Variants in DYNLT2B observed in about 807,000 individuals in gnomAD.
The protein encoded by DYNLT2B is dynein light chain Tctex-type protein 2B.
DYNLT2B carries 14 observed loss-of-function variants against 19.5 expected under a neutral mutation model. The ratio of observed to expected loss-of-function variants is 0.72; its 90% confidence interval spans 0.47 to 1.12. DYNLT2B has a LOEUF of 1.12. Among genes scored for constraint, DYNLT2B ranks in the 50% most tolerant of loss-of-function variants. DYNLT2B has a pLI of 0.00. For missense variants in DYNLT2B, 133 were observed against 174.7 expected, an observed-to-expected ratio of 0.76 and a Z score of 1.35; for synonymous variants, 70 against 59.7, an observed-to-expected ratio of 1.17 and a Z score of -0.79.
At chr3:196,315,592 G>C (rs1176510731) in intron 2 of DYNLT2B, among the ~76,000 whole-genome samples, 1 of 151,712 alleles carries the variant, frequency 6.6e-6, no homozygotes, top group African/African-American at 2.4e-5. Flanking sequence ...CATGAGGTCG[G>C]CTGGGCGCGG....
chr3:196,302,471 G>A (rs1269257964), intron 3 of DYNLT2B, among the ~76,000 whole-genome samples: 5 of 152,192 alleles, frequency 3.3e-5, no homozygotes, highest in African/African-American at 1.2e-4. Context: ...TCCACTGAAA[G>A]CTCTCAATGG....
chr3:196,317,381 T>TGTGTGTGTGTGTGTG (rs1553843048), intron 1 of DYNLT2B, among the ~76,000 whole-genome samples: 1 of 35,042 alleles, frequency 2.9e-5, no homozygotes, highest in African/African-American at 1.1e-4. Context: ...TGTGTGTGTG[T>TGTGTGTGTGTGTGTG]GTGTGTGTGT....
intron 2 of DYNLT2B, among the ~76,000 whole-genome samples, chr3:196,314,027 G>A (rs1726707307): frequency 6.6e-6 from 1 of 152,044 alleles, no homozygotes; most frequent in Non-Finnish European, 1.5e-5. Flanking sequence ...GAACCCAGGA[G>A]GCGGAGATTG....
At chr3:196,316,910 G>T (rs1726824249) in intron 1 of DYNLT2B, among the ~76,000 whole-genome samples, 1 of 42,304 alleles carries the variant, frequency 2.4e-5, no homozygotes, top group Non-Finnish European at 5.3e-5. Context: ...TGTGTGTGTT[G>T]TGTGGTGTGT....
chr3:196,310,671 A>C lies in DYNLT2B; in HGVS notation c.248-3659T>G, dbSNP rs1726615320. Among the ~76,000 whole-genome samples, 4 of 150,792 alleles carry C rather than the reference A, an allele frequency of 2.7e-5. No homozygotes were observed. The South Asian group carries it at 8.4e-4, about 32-fold the overall frequency. ...TGGAACTCCTGACCTCAAGTGATCCACCTGCTTCTGCCTCCCAAAGTTCTG... is the reference window on the plus strand; with the variant it reads ...TGGAACTCCTGACCTCAAGTGATCCCCCTGCTTCTGCCTCCCAAAGTTCTG... On this transcript the variant is annotated intron_variant, in intron 2 of 4. Coordinates refer to ENST00000325318, the MANE Select transcript of DYNLT2B (RefSeq NM_152773.5).
intron 3 of DYNLT2B, chr3:196,298,206 G>C (rs997280509): frequency 3.3e-6 from 1 of 304,720 alleles, no homozygotes; most frequent in Non-Finnish European, 6.6e-6. Context: ...AAAGACTTGT[G>C]AGAAGACATG....
chr3:196,297,249 G>GCATC (rs1334910627), intron 3 of DYNLT2B, among the ~76,000 whole-genome samples: 1 of 151,958 alleles, frequency 6.6e-6, no homozygotes. Flanking sequence ...AATAGGCTGG[G>GCATC]CATGGTGGCT....
chr3:196,313,357 G>A (rs1203045165), intron 2 of DYNLT2B, among the ~76,000 whole-genome samples: 1 of 151,852 alleles, frequency 6.6e-6, no homozygotes, highest in South Asian at 2.1e-4. Flanking sequence ...CCACCAGCCC[G>A]GCTAATTTTT....
At position 196,318,078 on chromosome 3, in the gene DYNLT2B, G is replaced by T. The variant is rs201019253; in HGVS notation, c.75C>A (p.Pro25=). 13 of 1,564,118 alleles carry T rather than the reference G, an allele frequency of 8.3e-6. No individual in the cohort carries two copies. The highest frequency in any genetic ancestry group is 1.1e-5 in the Non-Finnish European group (13 of 1,159,506). The stretch of plus-strand genomic sequence containing the variant: ...CAGGCCGCAGAATATAGGTGTTCTC[G>T]GGCTCCCCTGCGTTCTTCTCAGCCT... The part of the protein sequence containing the change: ...VPEAEKNAGE[P]ENTYILRPVF... Residue 25 remains proline, a synonymous_variant, in exon 1 of 5, where the codon CCC becomes CCA. Coordinates refer to ENST00000325318, the MANE Select transcript of DYNLT2B (RefSeq NM_152773.5).
At chr3:196,300,459 G>A (rs769122764) in intron 3 of DYNLT2B, among the ~76,000 whole-genome samples, 4 of 152,186 alleles carry the variant, frequency 2.6e-5, no homozygotes, top group Non-Finnish European at 4.4e-5. Flanking sequence ...GCCAGGCACA[G>A]TGGCTCACGC....
rs571513848 is a variant in DYNLT2B, at chr3:196,317,799, C to T, written c.113+241G>A. Among the ~76,000 whole-genome samples the T allele has an allele frequency of 2.5e-3, 374 of 152,280 alleles. 2 individuals carry two copies. The highest frequency in any genetic ancestry group is 8.6e-3 in the African/African-American group (359 of 41,566). ...GGGCCAACCATTCCCGCCGCGCCAC[C>T]CTAAGACGCGCCCGGCGCCCAAACA... On this transcript the variant is annotated intron_variant, in intron 1 of 4. Coordinates refer to ENST00000325318, the MANE Select transcript of DYNLT2B (RefSeq NM_152773.5).
chr3:196,317,065 GTGT>G (rs1726849786), intron 1 of DYNLT2B, among the ~76,000 whole-genome samples: 1 of 34,510 alleles, frequency 2.9e-5, no homozygotes, highest in Non-Finnish European at 5.1e-5. Flanking sequence ...TGTGTGTGGT[GTGT>G]GTGTGTGTGT....
intron 3 of DYNLT2B, among the ~76,000 whole-genome samples, chr3:196,306,643 C>A (rs187197974): frequency 6.6e-6 from 1 of 152,094 alleles, no homozygotes; most frequent in East Asian, 1.9e-4. Context: ...CCACCTCCTG[C>A]GTTGAAGTGA....
chr3:196,315,796 C>T (rs186470473), intron 2 of DYNLT2B, among the ~76,000 whole-genome samples: 28 of 152,142 alleles, frequency 1.8e-4, no homozygotes, highest in South Asian at 4.2e-4. Context: ...CACTTGAACC[C>T]GGGAGGCGGA....
At chr3:196,310,316 T>C (rs1179048359) in intron 2 of DYNLT2B, among the ~76,000 whole-genome samples, 1 of 151,984 alleles carries the variant, frequency 6.6e-6, no homozygotes, top group Non-Finnish European at 1.5e-5. Flanking sequence ...TTCACCATCT[T>C]GGTCAGGCTG....
At chr3:196,291,836 GTATAGC>G (rs1726103306) in intron 4 of DYNLT2B, among the ~76,000 whole-genome samples, 1 of 152,188 alleles carries the variant, frequency 6.6e-6, no homozygotes. Context: ...GGTTTCCAGA[GTATAGC>G]TACACTATTG....
intron 3 of DYNLT2B, among the ~76,000 whole-genome samples, chr3:196,303,287 G>A (rs1376729753): frequency 6.6e-6 from 1 of 152,126 alleles, no homozygotes; most frequent in Non-Finnish European, 1.5e-5. Context: ...ACTGATTTGA[G>A]TAATAATAAA....
At chr3:196,300,151 G>T (rs569375357) in intron 3 of DYNLT2B, among the ~76,000 whole-genome samples, 15 of 152,252 alleles carry the variant, frequency 9.9e-5, no homozygotes, top group Non-Finnish European at 1.8e-4. Context: ...AAGGAATGCA[G>T]CCCTGCTGAC....
rs1008082983 is a variant in DYNLT2B at position 196,302,271 on chromosome 3, C to T, written c.317+4672G>A. On this transcript the variant is annotated intron_variant, in intron 3 of 4. Coordinates refer to ENST00000325318, the MANE Select transcript of DYNLT2B (RefSeq NM_152773.5). ...GCAGCAGCAGTGTTTTAAAAGAGAA[C>T]GGCTACCTCTAGGGCCCCAAGCTTA... Among the ~76,000 whole-genome samples the T allele has an allele frequency of 1.3e-5, 2 of 152,128 alleles. 1 individual carries two copies. Among genetic ancestry groups the T allele is most frequent in the South Asian group, 4.1e-4 (2 of 4,832 alleles).
Sources: allele counts gnomAD v4.1 joint callset (sites outside exome capture counted in the v4.1 genomes callset), GRCh38; gene constraint gnomAD v4.1.1; transcripts MANE v1.5; gene names NCBI Gene and HGNC (gene_info 2026-07-23, HGNC 2026-07-21).